Variants in IGFBPL1 observed in about 807,000 individuals in gnomAD.
IGFBPL1 encodes the protein insulin-like growth factor-binding protein-like 1.
Under a neutral mutation model 23.9 loss-of-function variants are expected in IGFBPL1, and 20 were observed. The observed-to-expected ratio is 0.84, with a 90% CI of 0.59 to 1.22. IGFBPL1 has a LOEUF of 1.22. Among genes scored for constraint, IGFBPL1 ranks in the 50% most tolerant of loss-of-function variants. The pLI is 0.00. For missense variants in IGFBPL1, 436 were observed against 379.3 expected (o/e 1.15, Z -1.24); for synonymous variants, 184 against 171.8 (o/e 1.07, Z -0.56).
chr9:38,407,340 G>A lies in IGFBPL1; in HGVS notation c.*1887C>T, dbSNP rs1291999795. On this transcript the variant is annotated 3_prime_UTR_variant, in exon 5 of 5. Transcript: ENST00000377694. ...ATAAGGACACTGAGGCACAGAAAGTGAAGGAGACTTGCTCAGGGTCACACA... is the reference window on the plus strand; with the variant it reads ...ATAAGGACACTGAGGCACAGAAAGTAAAGGAGACTTGCTCAGGGTCACACA... Among the ~76,000 whole-genome samples the A allele has an allele frequency of 6.6e-6, 1 of 152,216 alleles. No homozygotes were observed. Among genetic ancestry groups the A allele is most frequent in the African/African-American group, 2.4e-5 (1 of 41,466 alleles).
rs1333448025 is a variant in IGFBPL1 at position 38,408,593 on chromosome 9, C to T, written c.*634G>A. Reference sequence around the variant, plus strand: ...GAAGAGCTACAGCCAGCTGTCCACACGTTGGGGTAAAGCAATGGAATTTGT... The same window carrying T: ...GAAGAGCTACAGCCAGCTGTCCACATGTTGGGGTAAAGCAATGGAATTTGT... On this transcript the variant is annotated 3_prime_UTR_variant, in exon 5 of 5. Transcript: ENST00000377694. 3.9e-5 allele frequency among the ~76,000 whole-genome samples: 6 copies of T among 152,122 alleles called. No homozygotes were observed. The highest frequency in any genetic ancestry group is 5.9e-5 in the Non-Finnish European group (4 of 68,032).
Position 38,424,305 on chromosome 9 carries a change from C to T in IGFBPL1, c.120G>A (p.Pro40=), listed in dbSNP as rs558454662. Residue 40 remains proline (P), a synonymous_variant, in exon 1 of 5, where the codon CCG becomes CCA. Transcript: ENST00000377694. ...DVGGRRPKCG[P]CRPEGCPAPA... ...GCGCCGGGCAGCCCTCTGGCCGGCA[C>T]GGACCACACTTGGGGCGCCGGCCGC... 3,704 of 1,264,130 alleles carry T rather than the reference C, an allele frequency of 2.9e-3. 155 individuals are homozygous for T. The South Asian group carries it at 0.058, about 20-fold the overall frequency. The allele number at this position is 1,264,130 out of a possible 1,614,324, so 78.3% of individuals were successfully genotyped here. A position where few individuals can be genotyped will look rare whatever the true frequency, so the allele number is the denominator to read the frequency against.
intron 1 of IGFBPL1, among the ~76,000 whole-genome samples, chr9:38,420,082 G>C (rs1307837665): frequency 6.6e-6 from 1 of 152,132 alleles, no homozygotes; most frequent in African/African-American, 2.4e-5. Context: ...GTAGAGATGG[G>C]ATCTTGCTGC....
intron 1 of IGFBPL1, among the ~76,000 whole-genome samples, chr9:38,421,979 G>A (rs572548095): frequency 6.6e-6 from 1 of 152,234 alleles, no homozygotes; most frequent in Non-Finnish European, 1.5e-5. Context: ...TATTCCCTGG[G>A]TCTGTGCCTG....
At chr9:38,413,093 A>C (rs1299747591) in intron 3 of IGFBPL1, 144 bp downstream of exon 3, 13 of 630,678 alleles carry the variant, frequency 2.1e-5, no homozygotes, top group Non-Finnish European at 3.1e-5. Context: ...GCAGATCTGA[A>C]ACCTGCCCTG....
chr9:38,419,739 A>C (rs12238372), intron 1 of IGFBPL1, among the ~76,000 whole-genome samples: 20,159 of 152,224 alleles, frequency 0.13, 1,930 homozygotes, highest in East Asian at 0.43. Context: ...CATAATACTA[A>C]GGCCATACCA....
chr9:38,419,892 CT>C (rs1563920769), intron 1 of IGFBPL1, among the ~76,000 whole-genome samples: 1 of 106,992 alleles, frequency 9.3e-6, no homozygotes, highest in African/African-American at 4.2e-5. Flanking sequence ...CCTCCTCCTC[CT>C]TCTTCTTCTT....
At chr9:38,411,838 A>C (rs1462032771) in intron 3 of IGFBPL1, among the ~76,000 whole-genome samples, 1 of 152,196 alleles carries the variant, frequency 6.6e-6, no homozygotes, top group Non-Finnish European at 1.5e-5. Context: ...TGCAAGGTAT[A>C]GGTTATTTGG....
At chr9:38,420,674 T>A (rs916002377) in intron 1 of IGFBPL1, among the ~76,000 whole-genome samples, 8 of 151,942 alleles carry the variant, frequency 5.3e-5, no homozygotes, top group Admixed American at 2.0e-4. Context: ...CTACTAAAAG[T>A]ACAAAAAACA....
chr9:38,419,852 TCTC>T (rs1338685303), intron 1 of IGFBPL1, among the ~76,000 whole-genome samples: 4 of 142,134 alleles, frequency 2.8e-5, no homozygotes, highest in Non-Finnish European at 4.6e-5. Flanking sequence ...TCTTCTTCCT[TCTC>T]CTCCTCCCCC....
At chr9:38,412,208 G>C (rs759842154) in intron 3 of IGFBPL1, among the ~76,000 whole-genome samples, 11 of 152,102 alleles carry the variant, frequency 7.2e-5, no homozygotes, top group Non-Finnish European at 8.8e-5. Flanking sequence ...TCATCCTACC[G>C]ACCACGCGCT....
At chr9:38,419,972 C>G (rs949851451) in intron 1 of IGFBPL1, among the ~76,000 whole-genome samples, 2 of 151,828 alleles carry the variant, frequency 1.3e-5, no homozygotes, top group African/African-American at 4.8e-5. Context: ...TCACTGTAGC[C>G]TCGAACTCCT....
chr9:38,410,205 A>T (rs1042745146), intron 4 of IGFBPL1, among the ~76,000 whole-genome samples: 11 of 152,172 alleles, frequency 7.2e-5, no homozygotes, highest in African/African-American at 2.7e-4. Flanking sequence ...CGTGCAGGCC[A>T]GGCACGGTGG....
At position 38,414,198 on chromosome 9, in the gene IGFBPL1, C is replaced by A; in HGVS notation, c.466G>T (p.Val156Leu). 6.3e-7 allele frequency: 1 copy of A among 1,596,396 alleles called. No homozygotes were observed. The highest frequency in any genetic ancestry group is 1.1e-5 in the South Asian group (1 of 87,630). Reference sequence around the variant, plus strand: ...ACACTTCGGGGAGGAACGACGACCACAGGAGCTAGGAGGAGGAGACAAGGA... The same window carrying A: ...ACACTTCGGGGAGGAACGACGACCAAAGGAGCTAGGAGGAGGAGACAAGGA... The part of the protein sequence containing the change: ...ARDGPCEFAP[V>L]VVVPPRSVHN... Residue 156 changes from valine (V) to leucine (L), a missense_variant, in exon 2 of 5, where the codon GTG becomes TTG. Physicochemically the swap from Val to Leu is conservative, Grantham distance 32 (BLOSUM62 1). Transcript: ENST00000377694.
At chr9:38,418,980 C>G (rs1021109360) in intron 1 of IGFBPL1, among the ~76,000 whole-genome samples, 1 of 152,100 alleles carries the variant, frequency 6.6e-6, no homozygotes, top group East Asian at 1.9e-4. Flanking sequence ...ATGACCGCAG[C>G]CTCGCATCCT....
rs1282045707 is a variant in IGFBPL1, at chr9:38,406,597, GA to G, written c.*2629del. ...CATCATGACATCTACAAAAACGGTA[GA>G]AAAACCCAGGTTTGGTGCGGGGAGT... On this transcript the variant is annotated 3_prime_UTR_variant, in exon 5 of 5. Transcript: ENST00000377694. 2.6e-5 allele frequency among the ~76,000 whole-genome samples: 4 copies of G among 152,136 alleles called. No homozygotes were observed. Among genetic ancestry groups the G allele is most frequent in the African/African-American group, 9.7e-5 (4 of 41,410 alleles).
chr9:38,418,968 T>C (rs1001879546), intron 1 of IGFBPL1, among the ~76,000 whole-genome samples: 3 of 152,138 alleles, frequency 2.0e-5, no homozygotes, highest in Non-Finnish European at 4.4e-5. Flanking sequence ...CAAATGAAGA[T>C]GATGACCGCA....
intron 1 of IGFBPL1, among the ~76,000 whole-genome samples, chr9:38,422,741 T>C (rs559687205): frequency 6.6e-6 from 1 of 152,310 alleles, no homozygotes; most frequent in South Asian, 2.1e-4. Flanking sequence ...GGCCACACAC[T>C]GGTTTTACAT....
At position 38,413,328 on chromosome 9, in the gene IGFBPL1, T is replaced by C. The variant is rs12000402; in HGVS notation, c.596A>G (p.Gln199Arg). ...RKVTKSPEGT[Q>R]ALEELPGDHV... ...GTCCCCAGGCAGCTCCTCCAGTGCTTGGGTGCCCTCAGGGGACTTCGTGAC... is the reference window on the plus strand; with the variant it reads ...GTCCCCAGGCAGCTCCTCCAGTGCTCGGGTGCCCTCAGGGGACTTCGTGAC... The change falls in exon 3 of 5, where the codon CAA (glutamine) becomes CGA (arginine). Residue 199 changes from glutamine (Q) to arginine (R), a missense_variant. Gln to Arg is a conservative substitution (Grantham distance 43, BLOSUM62 1). Coordinates refer to ENST00000377694, the MANE Select transcript of IGFBPL1 (RefSeq NM_001007563.3). The C allele has an allele frequency of 1.0e-3, 1,626 of 1,613,752 alleles. 22 individuals are homozygous for C. The African/African-American group carries it at 0.019, about 19-fold the overall frequency.
Sources: gnomAD v4.1 joint callset for allele counts (sites outside exome capture counted in the v4.1 genomes callset) on GRCh38, gnomAD v4.1.1 for gene constraint, MANE v1.5 for transcripts, NCBI Gene and HGNC (gene_info 2026-07-23, HGNC 2026-07-21) for gene names.